The following NCF4 variants were observed in gnomAD, a reference collection of about 807,000 sequenced individuals.
NCF4 encodes the protein neutrophil cytosolic factor 4.
In NCF4, 30 loss-of-function variants were observed where a neutral mutation model predicts 41.7. The observed-to-expected ratio is 0.72, with a 90% CI of 0.54 to 0.97. The LOEUF (loss-of-function observed/expected upper bound fraction) is 0.97, where lower values mean the gene tolerates loss of function less well. Among genes scored for constraint, NCF4 ranks in the 50% least tolerant of loss-of-function variants. The pLI is 0.00. For missense variants in NCF4, 432 were observed against 460.9 expected (o/e 0.94, Z 0.57); for synonymous variants, 195 against 175.8 (o/e 1.11, Z -0.87).
intron 3 of NCF4, among the ~76,000 whole-genome samples, chr22:36,866,660 G>A (rs1420326049): frequency 2.0e-5 from 3 of 152,122 alleles, no homozygotes; most frequent in African/African-American, 7.2e-5. Flanking sequence ...TGGACACCAG[G>A]AGCCAGGCAG....
chr22:36,866,369 A>G (rs551860122), intron 3 of NCF4, among the ~76,000 whole-genome samples: 7 of 148,152 alleles, frequency 4.7e-5, no homozygotes, highest in African/African-American at 1.7e-4. Flanking sequence ...GCTTTCTCCA[A>G]CCTCCTGAGG....
At chr22:36,868,399 G>T (rs1939977418) in intron 4 of NCF4, among the ~76,000 whole-genome samples, 1 of 152,272 alleles carries the variant, frequency 6.6e-6, no homozygotes, top group Non-Finnish European at 1.5e-5. Context: ...GTTGGGATCT[G>T]TCGAGAACAG....
chr22:36,869,727 T>C (rs765205826), intron 4 of NCF4, among the ~76,000 whole-genome samples: 5 of 152,196 alleles, frequency 3.3e-5, no homozygotes, highest in Admixed American at 2.0e-4. Flanking sequence ...GTAACCAGCT[T>C]GGATGAAACA....
chr22:36,866,727 C>T (rs1003500), intron 3 of NCF4, among the ~76,000 whole-genome samples: 2,963 of 152,260 alleles, frequency 0.019, 102 homozygotes, highest in African/African-American at 0.069. Context: ...ACCAGTGCGC[C>T]CACATGAAGG....
chr22:36,872,428 G>T lies in NCF4; in HGVS notation c.627+3G>T. On this transcript the variant is annotated splice_donor_region_variant and intron_variant, in intron 7 of 9. Transcript: ENST00000248899. ...GGATCAACAAAGACTGGCTGGAGGTGAGTTCAGAAGTGAGGATGGAGGTGA... is the reference window on the plus strand; with the variant it reads ...GGATCAACAAAGACTGGCTGGAGGTTAGTTCAGAAGTGAGGATGGAGGTGA... The T allele has an allele frequency of 6.3e-7, 1 of 1,592,672 alleles. No individual in the cohort carries two copies. The highest frequency in any genetic ancestry group is 8.6e-7 in the Non-Finnish European group (1 of 1,160,522).
intron 1 of NCF4, among the ~76,000 whole-genome samples, chr22:36,862,062 C>A (rs1191341229): frequency 1.3e-5 from 2 of 152,174 alleles, no homozygotes; most frequent in East Asian, 3.9e-4. Flanking sequence ...CTAGCCTCGT[C>A]GCTTGGGAAG....
chr22:36,870,575 C>T (rs368531403), intron 5 of NCF4, 33 bp downstream of exon 5: 3 of 1,607,106 alleles, frequency 1.9e-6, no homozygotes, highest in Middle Eastern at 1.7e-4. Context: ...TCCACATGGC[C>T]AGAGCCCTGG....
At chr22:36,870,323 T>C (rs1940022928) in intron 4 of NCF4, 92 bp from the exon 5 acceptor site, 49 of 1,559,852 alleles carry the variant, frequency 3.1e-5, no homozygotes, top group Non-Finnish European at 4.1e-5. Flanking sequence ...AGAGGAGGGC[T>C]GATGTCAGGG....
At position 36,865,190 on chromosome 22, in the gene NCF4, T is replaced by C. The variant is rs1034363600; in HGVS notation, c.271+118T>C. On this transcript the variant is annotated intron_variant, in intron 3 of 9. Coordinates refer to ENST00000248899, the MANE Select transcript of NCF4 (RefSeq NM_000631.5). The surrounding 1 kb of genome is among the most constrained non-coding windows in gnomAD (Gnocchi z 4.3). ...CAGTGAAAACTGTTCATGTAGTTTA[T>C]AGCCCCCACTCCCGGCAGTTACAGG... 8 of 1,429,912 alleles carry C rather than the reference T, an allele frequency of 5.6e-6. No homozygotes were observed. Among genetic ancestry groups the C allele is most frequent in the African/African-American group, 4.2e-5 (3 of 70,834 alleles). The allele number at this position is 1,429,912 out of a possible 1,614,324, so 88.6% of individuals were successfully genotyped here. A position where few individuals can be genotyped will look rare whatever the true frequency, so the allele number is the denominator to read the frequency against.
chr22:36,865,471 T>C lies in NCF4; in HGVS notation c.271+399T>C, dbSNP rs1422032290. On this transcript the variant is annotated intron_variant, in intron 3 of 9. Transcript: ENST00000248899. This position sits in a 1 kb window ranked among gnomAD's most constrained non-coding sequence, Gnocchi z 4.3. ...CAGCTTCCTCCCACGAGACCAGCCC[T>C]CTGACTTCATGGTCTTGGCTTCCAG... Among the ~76,000 whole-genome samples, 1 of 152,110 alleles carries C rather than the reference T, an allele frequency of 6.6e-6. No individual in the cohort carries two copies. The highest frequency in any genetic ancestry group is 6.5e-5 in the Admixed American group (1 of 15,272).
At chr22:36,870,098 A>G in intron 4 of NCF4, 1 of 403,854 alleles carries the variant, frequency 2.5e-6, no homozygotes. Context: ...CCCACCTGGT[A>G]AAGTCACCGC....
intron 5 of NCF4, 124 bp from the exon 6 acceptor site, chr22:36,871,528 T>C: frequency 9.1e-7 from 1 of 1,101,924 alleles, no homozygotes. Flanking sequence ...TGCAGCCACA[T>C]TTCAGCATCT....
chr22:36,873,385 G>C (rs1259000684), intron 7 of NCF4, among the ~76,000 whole-genome samples: 1 of 151,542 alleles, frequency 6.6e-6, no homozygotes, highest in Non-Finnish European at 1.5e-5. Context: ...GGATGGAGGT[G>C]AGAATGCAGG....
At chr22:36,862,609 G>C (rs9619637) in intron 1 of NCF4, among the ~76,000 whole-genome samples, 26,654 of 152,208 alleles carry the variant, frequency 0.18, 2,552 homozygotes, top group African/African-American at 0.23. Flanking sequence ...GCCCTCAGAG[G>C]GGGAGGGACT....
chr22:36,862,300 G>T (rs913843312), intron 1 of NCF4, among the ~76,000 whole-genome samples: 1 of 152,204 alleles, frequency 6.6e-6, no homozygotes, highest in Non-Finnish European at 1.5e-5. Context: ...AACCTGAAGC[G>T]TGGGTTGGGG....
chr22:36,861,940 C>A (rs904009075), intron 1 of NCF4, among the ~76,000 whole-genome samples: 1 of 152,200 alleles, frequency 6.6e-6, no homozygotes, highest in African/African-American at 2.4e-5. Flanking sequence ...TCTAGTCCAA[C>A]CTTGCCATTG....
At chr22:36,874,659 G>C (rs1232233540) in intron 7 of NCF4, among the ~76,000 whole-genome samples, 1 of 152,170 alleles carries the variant, frequency 6.6e-6, no homozygotes, top group East Asian at 1.9e-4. Context: ...GGGCAGGGAG[G>C]GGACCACTTT....
chr22:36,874,488 A>C (rs919455754), intron 7 of NCF4, among the ~76,000 whole-genome samples: 8 of 152,140 alleles, frequency 5.3e-5, no homozygotes, highest in African/African-American at 1.9e-4. Flanking sequence ...CTAATCATAG[A>C]TCTCCATCTC....
chr22:36,875,683 CCT>C lies in NCF4; in HGVS notation c.664_665del (p.Ser222LeufsTer10), dbSNP rs780782557. 4 of 1,612,796 alleles carry C rather than the reference CCT, an allele frequency of 2.5e-6. No homozygotes were observed. The African/African-American group carries it at 4.0e-5, about 16-fold the overall frequency. On this transcript the variant is annotated frameshift_variant, in exon 8 of 10. Transcript: ENST00000248899. LOFTEE classifies it high-confidence loss of function. ...GTVRGATGIF[P>X]LSFVKILKDF... is the part of the protein sequence containing the mutation. ...TGTCCGGGGAGCCACGGGCATCTTC[CCT>C]CTCTCCTTCGTGAAGATCCTCAAAG...
Sources: allele counts gnomAD v4.1 joint callset (sites outside exome capture counted in the v4.1 genomes callset), GRCh38; gene constraint gnomAD v4.1.1; non-coding constraint Gnocchi (gnomAD v3.1); transcripts MANE v1.5; gene names NCBI Gene and HGNC (gene_info 2026-07-23, HGNC 2026-07-21).